NGRN: variants seen among roughly 807,000 people sequenced by gnomAD.
NGRN encodes the protein neugrin.
NGRN carries 12 observed loss-of-function variants against 13.1 expected under a neutral mutation model. The observed-to-expected ratio is 0.92, with a 90% confidence interval of 0.59 to 1.49. The LOEUF is 1.49. Ranked by LOEUF, NGRN falls within the 40% of genes most tolerant of loss-of-function variation. The pLI is 0.00. For missense variants in NGRN, 397 were observed against 357.0 expected, an observed-to-expected ratio of 1.11 and a Z score of -0.90; for synonymous variants, 149 against 145.8, an observed-to-expected ratio of 1.02 and a Z score of -0.16.
chr15:90,269,266 TAGCCTCCCAA>T (rs550432613), intron 2 of NGRN, among the ~76,000 whole-genome samples: 215 of 150,172 alleles, frequency 1.4e-3, no homozygotes, highest in Admixed American at 2.8e-3. Flanking sequence ...CTGCCTGCCT[TAGCCTCCCAA>T]AAGTGCTGGG....
rs149514433 is a variant in NGRN, at chr15:90,270,393, C to T, written c.276-795C>T. On this transcript the variant is annotated intron_variant, in intron 2 of 2. Transcript: ENST00000379095. ...TCACTTTATCATCAGTATCTTTCAT[C>T]TCTCCTTCTCTCCTCCCTTCTGCCA... 2.2e-3 allele frequency among the ~76,000 whole-genome samples: 328 copies of T among 152,226 alleles called. 1 individual carries two copies. Among genetic ancestry groups the T allele is most frequent in the African/African-American group, 7.5e-3 (313 of 41,552 alleles).
chr15:90,271,957 T>C lies in NGRN; in HGVS notation c.*169T>C. The C allele has an allele frequency of 1.2e-6, 1 of 853,098 alleles. No individual in the cohort carries two copies. The highest frequency in any genetic ancestry group is 1.8e-6 in the Non-Finnish European group (1 of 566,128). The allele number at this position is 853,098 out of a possible 1,614,324, so 52.8% of individuals were successfully genotyped here. On this transcript the variant is annotated 3_prime_UTR_variant, in exon 3 of 3. Coordinates refer to ENST00000379095, the MANE Select transcript of NGRN (RefSeq NM_001033088.3). ...TGCGTGGATAGATTCAAACTTCCTG[T>C]GGTAGTGCTCCCAGTCTGACCTCTG...
rs1456614035 is a variant in NGRN, at chr15:90,271,655, G to C, written c.743G>C (p.Gly248Ala). ...SSDSESPRGT[G>A]SGALPSGQKL... ...GATTCTGAGAGCCCCAGAGGAACTG[G>C]CAGTGGTGCGTTGCCAAGTGGTCAG... The change falls in exon 3 of 3, where the codon GGC becomes GCC. Residue 248 changes from glycine to alanine, a missense_variant. Coordinates refer to ENST00000379095, the MANE Select transcript of NGRN (RefSeq NM_001033088.3). The C allele has an allele frequency of 5.0e-6, 8 of 1,614,188 alleles. No homozygotes were observed. Among genetic ancestry groups the C allele is most frequent in the Non-Finnish European group, 6.8e-6 (8 of 1,180,040 alleles).
chr15:90,267,722 A>G (rs942294797), intron 2 of NGRN, among the ~76,000 whole-genome samples: 3 of 152,240 alleles, frequency 2.0e-5, no homozygotes, highest in Non-Finnish European at 2.9e-5. Context: ...ATAGTGCCCC[A>G]GTGAATAACT....
chr15:90,268,859 A>T (rs1364724111), intron 2 of NGRN, among the ~76,000 whole-genome samples: 2 of 150,122 alleles, frequency 1.3e-5, no homozygotes, highest in Non-Finnish European at 3.0e-5. Flanking sequence ...CCAGTTTCTG[A>T]GCTCAAGCGA....
At chr15:90,268,457 A>G (rs565312810) in intron 2 of NGRN, among the ~76,000 whole-genome samples, 2 of 150,280 alleles carry the variant, frequency 1.3e-5, no homozygotes, top group East Asian at 1.9e-4. Flanking sequence ...TTTGCCCACT[A>G]CTCTCAAACT....
At position 90,271,267 on chromosome 15, in the gene NGRN, C is replaced by T. The variant is rs11547112; in HGVS notation, c.355C>T (p.Arg119Ter). The change falls in exon 3 of 3, where the codon CGA (arginine) becomes TGA (stop). Residue 119 changes from arginine (R) to a stop codon, truncating the protein, a stop_gained. Coordinates refer to ENST00000379095, the MANE Select transcript of NGRN (RefSeq NM_001033088.3). LOFTEE classifies it low-confidence loss of function (END_TRUNC). ...CTTTGATGTCAGCACTGATGTGATC[C>T]GAAGAGTTTTAAAAAGCAAGTTTTT... The part of the protein sequence containing the change: ...EGFDVSTDVI[R>*]RVLKSKFLPT... 7 of 1,614,058 alleles carry T rather than the reference C, an allele frequency of 4.3e-6. No individual in the cohort carries two copies. Among genetic ancestry groups the T allele is most frequent in the Non-Finnish European group, 5.1e-6 (6 of 1,180,028 alleles).
chr15:90,266,144 G>T, intron 1 of NGRN, 144 bp from the exon 2 acceptor site: 1 of 1,460,250 alleles, frequency 6.8e-7, no homozygotes, highest in Non-Finnish European at 9.0e-7. Context: ...TGGGTGTACG[G>T]AGCAGCTCTA....
chr15:90,270,930 G>A lies in NGRN; in HGVS notation c.276-258G>A, dbSNP rs1240432075. The stretch of plus-strand genomic sequence containing the variant: ...GGCTCACCGCAGCCTTCACCTCCCA[G>A]GTTCAAGTGATTCTTGTGCCACGTG... On this transcript the variant is annotated intron_variant, in intron 2 of 2. Transcript: ENST00000379095. Among the ~76,000 whole-genome samples the A allele has an allele frequency of 4.6e-5, 7 of 152,234 alleles. No homozygotes were observed. In the South Asian group the frequency reaches 1.5e-3, roughly 32 times the overall value.
chr15:90,267,435 A>G (rs1596200746), intron 2 of NGRN, among the ~76,000 whole-genome samples: 1 of 152,050 alleles, frequency 6.6e-6, no homozygotes, highest in Non-Finnish European at 1.5e-5. Flanking sequence ...GTGTTATTAT[A>G]TTTTTTTGAG....
In NGRN at chr15:90,271,812, G is replaced by T; in HGVS notation, c.*24G>T. 6.2e-7 allele frequency: 1 copy of T among 1,608,724 alleles called. No individual in the cohort carries two copies. Among genetic ancestry groups the T allele is most frequent in the South Asian group, 1.1e-5 (1 of 90,812 alleles). On this transcript the variant is annotated 3_prime_UTR_variant, in exon 3 of 3. Coordinates refer to ENST00000379095, the MANE Select transcript of NGRN (RefSeq NM_001033088.3). ...GAGTCGGGGCTTGGCTTATGGAGATGCCTCGTGAAACACAGCTGGGCAAGT... is the reference window on the plus strand; with the variant it reads ...GAGTCGGGGCTTGGCTTATGGAGATTCCTCGTGAAACACAGCTGGGCAAGT...
In NGRN at chr15:90,271,981, T is replaced by C. The variant is rs1197988891; in HGVS notation, c.*193T>C. The C allele has an allele frequency of 4.5e-6, 3 of 667,322 alleles. No homozygotes were observed. The highest frequency in any genetic ancestry group is 7.5e-6 in the Non-Finnish European group (3 of 402,226). The allele number at this position is 667,322 out of a possible 1,614,324, so 41.3% of individuals were successfully genotyped here. On this transcript the variant is annotated 3_prime_UTR_variant, in exon 3 of 3. Transcript: ENST00000379095. ...GTGGTAGTGCTCCCAGTCTGACCTC[T>C]GTAGACCTTCAGTACTCACTCTTCT... is the stretch of plus-strand genomic sequence containing the variant.
chr15:90,266,029 C>G, intron 1 of NGRN, 153 bp downstream of exon 1: 1 of 1,389,372 alleles, frequency 7.2e-7, no homozygotes, highest in Non-Finnish European at 9.2e-7. Context: ...GTCAGGTGTT[C>G]AGCTCCCCTG....
At chr15:90,269,516 T>G (rs1963476134) in intron 2 of NGRN, among the ~76,000 whole-genome samples, 1 of 152,076 alleles carries the variant, frequency 6.6e-6, no homozygotes, top group African/African-American at 2.4e-5. Flanking sequence ...GTTTCCTTCC[T>G]GGGCTCCTCT....
intron 2 of NGRN, among the ~76,000 whole-genome samples, chr15:90,268,274 A>G (rs543749631): frequency 6.6e-6 from 1 of 152,182 alleles, no homozygotes; most frequent in Admixed American, 6.5e-5. Context: ...AAGTGCTGGG[A>G]TTACAGGCAT....
At position 90,271,619 on chromosome 15, in the gene NGRN, A is replaced by T. The variant is rs759244030; in HGVS notation, c.707A>T (p.Lys236Met). The stretch of plus-strand genomic sequence containing the variant: ...CTAGGTCATCCAAGAGAGCTGCAGA[A>T]GTACTCCAGTGATTCTGAGAGCCCC... ...APLGHPRELQKYSSDSESPRG... is the reference protein window; with the variant it reads ...APLGHPRELQMYSSDSESPRG... Residue 236 changes from lysine to methionine, a missense_variant, in exon 3 of 3, where the codon AAG becomes ATG. Lys to Met is a moderately conservative substitution (Grantham distance 95). Transcript: ENST00000379095. The T allele has an allele frequency of 6.2e-7, 1 of 1,614,190 alleles. No individual in the cohort carries two copies. Among genetic ancestry groups the T allele is most frequent in the Non-Finnish European group, 8.5e-7 (1 of 1,180,038 alleles).
chr15:90,271,820 A>G lies in NGRN; in HGVS notation c.*32A>G, dbSNP rs1428155343. The stretch of plus-strand genomic sequence containing the variant: ...GCTTGGCTTATGGAGATGCCTCGTG[A>G]AACACAGCTGGGCAAGTATTAATGT... On this transcript the variant is annotated 3_prime_UTR_variant, in exon 3 of 3. Coordinates refer to ENST00000379095, the MANE Select transcript of NGRN (RefSeq NM_001033088.3). 48 of 1,606,582 alleles carry G rather than the reference A, an allele frequency of 3.0e-5. No homozygotes were observed. The East Asian group carries it at 1.0e-3, about 35-fold the overall frequency.
rs1165497329 is a variant in NGRN, at chr15:90,265,835, C to T, written c.123C>T (p.Ser41=). Residue 41 remains serine, a synonymous_variant, in exon 1 of 3, where the codon TCC becomes TCT. Transcript: ENST00000379095. ...GPIGREPDPD[S]DWEPEERELQ... is the part of the protein sequence containing the mutation. ...TTGGCCGGGAGCCGGACCCCGATTC[C>T]GACTGGGAGCCGGAGGAACGGGAGC... is the stretch of plus-strand genomic sequence containing the variant. 2.5e-6 allele frequency: 4 copies of T among 1,608,040 alleles called. No individual in the cohort carries two copies. The highest frequency in any genetic ancestry group is 1.3e-5 in the African/African-American group (1 of 74,664).
intron 2 of NGRN, among the ~76,000 whole-genome samples, chr15:90,269,162 A>ATTTTTTTTTTTTTTTTT (rs34266380): frequency 1.1e-5 from 1 of 89,618 alleles, no homozygotes; most frequent in Non-Finnish European, 2.0e-5. Context: ...TACCTGGCTA[A>ATTTTTTTTTTTTTTTTT]TTTTTTTTTT....
Sources: gnomAD v4.1 joint callset for allele counts (sites outside exome capture counted in the v4.1 genomes callset) on GRCh38, gnomAD v4.1.1 for gene constraint, MANE v1.5 for transcripts, NCBI Gene and HGNC (gene_info 2026-07-23, HGNC 2026-07-21) for gene names.